The following NLGN4X variants were observed in gnomAD, a reference collection of about 807,000 sequenced individuals.
The protein encoded by NLGN4X is neuroligin 4 X-linked.
A neutral mutation model predicts 40.3 loss-of-function variants in NLGN4X; 3 were observed. That is an observed-to-expected ratio of 0.07 (90% CI 0.03 to 0.19). The LOEUF (loss-of-function observed/expected upper bound fraction) is 0.19. Ranked by LOEUF, NLGN4X falls within the 10% of genes least tolerant of loss-of-function variation. The pLI is 1.00. For synonymous variants in NLGN4X, 270 were observed against 306.8 expected (o/e 0.88, Z 1.25); for missense variants, 382 against 708.3 (o/e 0.54, Z 5.23).
intron 2 of NLGN4X, among the ~76,000 whole-genome samples, chrX:6,078,597 A>AC (rs1383513103): frequency 3.9e-4 from 44 of 111,653 alleles, no homozygotes; most frequent in African/African-American, 1.4e-3. Flanking sequence ...GCAATTATTG[A>AC]CCCCAAGATG....
At position 6,096,946 on chromosome X, in the gene NLGN4X, CGTGT is replaced by C. The variant is rs35895741; in HGVS notation, c.472+54045_472+54048del. ...ATGGTGCTGTTGAAAATTTTCATAT[CGTGT>C]GTGTGTGTGTGTGTGTGTGTGTGTG... On this transcript the variant is annotated intron_variant, in intron 2 of 5. Transcript: ENST00000381095. Among the ~76,000 whole-genome samples the C allele has an allele frequency of 5.7e-3, 577 of 100,436 alleles. 2 individuals carry two copies. Among genetic ancestry groups the C allele is most frequent in the African/African-American group, 0.019 (520 of 27,487 alleles). The allele number at this position is 100,436 out of a possible 115,157, so 87.2% of individuals were successfully genotyped here. A position where few individuals can be genotyped will look rare whatever the true frequency, so the allele number is the denominator to read the frequency against.
intron 3 of NLGN4X, among the ~76,000 whole-genome samples, chrX:5,971,153 T>C (rs373462433): frequency 8.9e-6 from 1 of 111,787 alleles, no homozygotes; most frequent in East Asian, 2.8e-4. Flanking sequence ...AAGAACCCAT[T>C]TGTCAGACCA....
intron 2 of NLGN4X, among the ~76,000 whole-genome samples, chrX:6,137,052 G>A (rs951821510): frequency 8.9e-6 from 1 of 112,224 alleles, no homozygotes; most frequent in Non-Finnish European, 1.9e-5. Context: ...CACAAACTTG[G>A]TGACTTGAAA....
intron 2 of NLGN4X, among the ~76,000 whole-genome samples, chrX:6,071,120 T>TA (rs902414285): frequency 8.2e-5 from 9 of 110,099 alleles, no homozygotes; most frequent in Admixed American, 9.7e-5. Flanking sequence ...GACAGTGACT[T>TA]AAAAAAAAAT....
In NLGN4X at chrX:6,150,995, C is replaced by T; in HGVS notation, c.472G>A (p.Asp158Asn). 2 of 1,204,275 alleles carry T rather than the reference C, an allele frequency of 1.7e-6. No homozygotes were observed. The highest frequency in any genetic ancestry group is 2.3e-6 in the Non-Finnish European group (2 of 888,353). ...YLNIYVPTED[D>N]IHDQNSKKPV... is the part of the protein sequence containing the mutation. ...TTTTCTGTTCCAGTGAGGTACTCAC[C>T]ATCTTCCGTGGGCACGTAGATGTTT... The change falls in exon 2 of 6, where the codon GAT (aspartate) becomes AAT (asparagine). Residue 158 changes from aspartate to asparagine, a missense_variant and splice_region_variant. Around this residue, in one of 5 missense-constraint regions of NLGN4X, gnomAD observed 115 missense variants for 149.6 expected, o/e 0.77. Coordinates refer to ENST00000381095, the MANE Select transcript of NLGN4X (RefSeq NM_181332.3).
chrX:6,088,261 T>C (rs1006960589), intron 2 of NLGN4X, among the ~76,000 whole-genome samples: 1 of 112,379 alleles, frequency 8.9e-6, no homozygotes. Flanking sequence ...CAAGAGAAAA[T>C]GCGAAGCTCT....
intron 1 of NLGN4X, among the ~76,000 whole-genome samples, chrX:6,189,291 C>G (rs1162744677): frequency 7.2e-5 from 8 of 111,835 alleles, no homozygotes; most frequent in African/African-American, 1.9e-4. Flanking sequence ...AACCCTTTGT[C>G]ACTTGTTTTT....
At chrX:6,060,328 C>A (rs2147326081) in intron 2 of NLGN4X, among the ~76,000 whole-genome samples, 1 of 111,481 alleles carries the variant, frequency 9.0e-6, no homozygotes, top group South Asian at 3.8e-4. Flanking sequence ...ATAGCAGATC[C>A]ACGATCCTTT....
At chrX:5,943,374 C>G (rs1461536389) in intron 3 of NLGN4X, among the ~76,000 whole-genome samples, 1 of 111,832 alleles carries the variant, frequency 8.9e-6, no homozygotes, top group Non-Finnish European at 1.9e-5. Flanking sequence ...TCTGCCAACA[C>G]ACAGAAATCA....
intron 2 of NLGN4X, among the ~76,000 whole-genome samples, chrX:6,133,533 A>T (rs1334343098): frequency 8.9e-6 from 1 of 111,931 alleles, no homozygotes; most frequent in East Asian, 2.8e-4. Context: ...AGAAAGGAGT[A>T]TCTGTTTATA....
At chrX:5,993,790 C>T (rs1248112583) in intron 3 of NLGN4X, among the ~76,000 whole-genome samples, 1 of 111,696 alleles carries the variant, frequency 9.0e-6, no homozygotes, top group African/African-American at 3.3e-5. Context: ...TAGAAAGGGA[C>T]TGTGCCCTGG....
At chrX:5,981,638 C>A (rs912291489) in intron 3 of NLGN4X, among the ~76,000 whole-genome samples, 3 of 110,049 alleles carry the variant, frequency 2.7e-5, no homozygotes, top group Admixed American at 9.8e-5. Context: ...TTTGAGTACA[C>A]CAAGAAATTT....
chrX:5,961,199 G>C (rs1449046872), intron 3 of NLGN4X, among the ~76,000 whole-genome samples: 1 of 111,363 alleles, frequency 9.0e-6, no homozygotes, highest in East Asian at 2.8e-4. Flanking sequence ...TAATTCTGTA[G>C]AATGTTCATT....
At chrX:5,907,471 C>CTGACCATTACTTAGGCAGCA (rs2032248608) in intron 4 of NLGN4X, among the ~76,000 whole-genome samples, 1 of 111,995 alleles carries the variant, frequency 8.9e-6, no homozygotes, top group African/African-American at 3.2e-5. Context: ...GCTGCCTATG[C>CTGACCATTACTTAGGCAGCA]TGACCATTAC....
At chrX:6,201,673 A>T (rs1923626614) in intron 1 of NLGN4X, among the ~76,000 whole-genome samples, 1 of 111,353 alleles carries the variant, frequency 9.0e-6, no homozygotes. Context: ...AAGAGAGGGG[A>T]TTCAAATCCA....
intron 3 of NLGN4X, among the ~76,000 whole-genome samples, chrX:5,983,725 G>A (rs748202124): frequency 8.9e-6 from 1 of 111,954 alleles, no homozygotes; most frequent in East Asian, 2.8e-4. Flanking sequence ...ATTGCTTGAG[G>A]CCAGGAATTA....
intron 3 of NLGN4X, among the ~76,000 whole-genome samples, chrX:6,021,423 C>T (rs1355491543): frequency 9.0e-6 from 1 of 110,550 alleles, no homozygotes; most frequent in Non-Finnish European, 1.9e-5. Flanking sequence ...GCTCCATTTG[C>T]CTCTCAGGTC....
intron 2 of NLGN4X, among the ~76,000 whole-genome samples, chrX:6,048,794 T>C (rs112985996): frequency 0.14 from 14,837 of 105,475 alleles, 1,031 homozygotes; most frequent in Non-Finnish European, 0.2. Context: ...AGCTGAACAA[T>C]TGGAACACAT....
intron 3 of NLGN4X, among the ~76,000 whole-genome samples, chrX:5,964,373 TA>T (rs1039834966): frequency 9.0e-6 from 1 of 111,681 alleles, no homozygotes; most frequent in African/African-American, 3.3e-5. Context: ...ATAAGTATTC[TA>T]AAAAAAGATT....
Sources: gnomAD v4.1 joint callset for allele counts (sites outside exome capture counted in the v4.1 genomes callset) on GRCh38, gnomAD v4.1.1 for gene constraint, gnomAD v4.1.1 regional missense constraint, MANE v1.5 for transcripts, NCBI Gene and HGNC (gene_info 2026-07-23, HGNC 2026-07-21) for gene names.